PCDHGA2: variants seen among roughly 807,000 people sequenced by gnomAD.
The protein encoded by PCDHGA2 is protocadherin gamma-A2.
A neutral mutation model predicts 59.2 loss-of-function variants in PCDHGA2; 40 were observed. The observed-to-expected ratio is 0.68, with a 90% CI of 0.52 to 0.88. The LOEUF is 0.88. Among genes scored for constraint, PCDHGA2 ranks in the 40% least tolerant of loss-of-function variants. The pLI is 0.00. For missense variants in PCDHGA2, 1,226 were observed against 1,204.0 expected (o/e 1.02, Z -0.27); for synonymous variants, 560 against 526.0 (o/e 1.06, Z -0.89).
intron 1 of PCDHGA2, chr5:141,384,846 C>T: frequency 1.2e-6 from 2 of 1,613,586 alleles, no homozygotes; most frequent in Non-Finnish European, 1.7e-6. Context: ...TCCAGGACCA[C>T]GGTCAGCCTC....
At chr5:141,360,639 A>G (rs1226434354) in intron 1 of PCDHGA2, 5 of 1,613,898 alleles carry the variant, frequency 3.1e-6, no homozygotes, top group African/African-American at 2.7e-5. Context: ...ACTCACTACA[A>G]AGATACCACC....
chr5:141,491,763 T>C lies in PCDHGA2; in HGVS notation c.2425-3044T>C. 1 of 1,570,222 alleles carries C rather than the reference T, an allele frequency of 6.4e-7. No homozygotes were observed. Among genetic ancestry groups the C allele is most frequent in the Non-Finnish European group, 8.6e-7 (1 of 1,159,286 alleles). Reference sequence around the variant, plus strand: ...GCGGCACTGGAGAAGCCGCCCGTCCTCATAAGGGATTGAACTTGCATCCAC... The same window carrying C: ...GCGGCACTGGAGAAGCCGCCCGTCCCCATAAGGGATTGAACTTGCATCCAC... On this transcript the variant is annotated intron_variant, in intron 1 of 3. Coordinates refer to ENST00000394576, the MANE Select transcript of PCDHGA2 (RefSeq NM_018915.4). The surrounding 1 kb of genome is among the most constrained non-coding windows in gnomAD (Gnocchi z 6.9).
chr5:141,359,214 T>C (rs1406319381), intron 1 of PCDHGA2, among the ~76,000 whole-genome samples: 1 of 152,134 alleles, frequency 6.6e-6, no homozygotes, highest in Non-Finnish European at 1.5e-5. Context: ...GAGAGACAAC[T>C]TACATCTGAG....
Position 141,418,384 on chromosome 5 carries a change from C to T in PCDHGA2, c.2425-76423C>T, listed in dbSNP as rs774636792. 5 of 1,613,982 alleles carry T rather than the reference C, an allele frequency of 3.1e-6. No homozygotes were observed. In the South Asian group the frequency reaches 4.4e-5, roughly 14 times the overall value. ...TGAGCAAATACCAACTAAGTCCTAA[C>T]GAGTATTTCTCATTGGTGGAGAAAG... is the stretch of plus-strand genomic sequence containing the variant. On this transcript the variant is annotated intron_variant, in intron 1 of 3. Coordinates refer to ENST00000394576, the MANE Select transcript of PCDHGA2 (RefSeq NM_018915.4).
At chr5:141,350,967 C>T (rs778914376) in intron 1 of PCDHGA2, 1 of 1,614,094 alleles carries the variant, frequency 6.2e-7, no homozygotes, top group Non-Finnish European at 8.5e-7. Flanking sequence ...AATGATAATG[C>T]TCCCGTGTTT....
At chr5:141,433,070 CCCCAG>C in intron 1 of PCDHGA2, 1 of 1,614,174 alleles carries the variant, frequency 6.2e-7, no homozygotes, top group Non-Finnish European at 8.5e-7. Context: ...CCTGATCTTC[CCCCAG>C]CCCAACTATG....
chr5:141,355,345 G>T, intron 1 of PCDHGA2: 1 of 1,614,020 alleles, frequency 6.2e-7, no homozygotes, highest in Non-Finnish European at 8.5e-7. Context: ...GGGCAACATC[G>T]CCAAGGACCT....
intron 1 of PCDHGA2, chr5:141,376,167 T>C (rs1772357284): frequency 3.1e-6 from 5 of 1,614,124 alleles, no homozygotes; most frequent in East Asian, 2.2e-5. Context: ...TACCTGGTGG[T>C]GGCGGTGGCC....
intron 1 of PCDHGA2, among the ~76,000 whole-genome samples, chr5:141,358,928 AC>A (rs1191349174): frequency 1.3e-5 from 2 of 152,242 alleles, no homozygotes; most frequent in Non-Finnish European, 2.9e-5. Flanking sequence ...TAGGGGATAT[AC>A]AACACTTTTG....
At chr5:141,446,502 A>G (rs1178198384) in intron 1 of PCDHGA2, among the ~76,000 whole-genome samples, 5 of 150,732 alleles carry the variant, frequency 3.3e-5, no homozygotes, top group Non-Finnish European at 7.4e-5. Context: ...TTTGAGATGG[A>G]GTCTCGCTCT....
intron 1 of PCDHGA2, chr5:141,394,371 T>G: frequency 6.2e-7 from 1 of 1,614,174 alleles, no homozygotes; most frequent in Non-Finnish European, 8.5e-7. Context: ...GCTGCAATCT[T>G]TCGACTATGA....
chr5:141,506,434 C>A lies in PCDHGA2; in HGVS notation c.2572+953C>A, dbSNP rs139627189. Among the ~76,000 whole-genome samples the A allele has an allele frequency of 8.5e-4, 112 of 131,752 alleles. 2 individuals are homozygous for A. The highest frequency in any genetic ancestry group is 3.3e-3 in the African/African-American group (107 of 32,408). 86.4% of individuals were successfully genotyped at this position (131,752 alleles called of 152,430 possible). ...TGCACTCCAGCCTGGGCAACAGTCT[C>A]GCTCTGTCTCAAAAAAAAAAAAAAA... On this transcript the variant is annotated intron_variant, in intron 3 of 3. Transcript: ENST00000394576.
intron 1 of PCDHGA2, chr5:141,400,037 G>T (rs778871485): frequency 3.1e-6 from 5 of 1,613,132 alleles, no homozygotes; most frequent in Admixed American, 1.7e-5. Flanking sequence ...GCCCGCCAGC[G>T]CCTGCTGGTT....
At position 141,485,671 on chromosome 5, in the gene PCDHGA2, G is replaced by T; in HGVS notation, c.2425-9136G>T. On this transcript the variant is annotated intron_variant, in intron 1 of 3. Coordinates refer to ENST00000394576, the MANE Select transcript of PCDHGA2 (RefSeq NM_018915.4). This position sits in a 1 kb window ranked among gnomAD's most constrained non-coding sequence, Gnocchi z 5.7. The stretch of plus-strand genomic sequence containing the variant: ...AGGATGCAGATGTGGGGAGCAATTC[G>T]ATTAGCAGCTATAGGCTGAGCTCCA... 6.2e-7 allele frequency: 1 copy of T among 1,612,860 alleles called. No homozygotes were observed. The highest frequency in any genetic ancestry group is 8.5e-7 in the Non-Finnish European group (1 of 1,179,040).
intron 1 of PCDHGA2, among the ~76,000 whole-genome samples, chr5:141,435,451 CTGTA>C: frequency 6.6e-6 from 1 of 152,258 alleles, no homozygotes; most frequent in Non-Finnish European, 1.5e-5. Context: ...AATACGATAT[CTGTA>C]TGTGTTTCCA....
intron 1 of PCDHGA2, chr5:141,364,541 A>C: frequency 6.2e-7 from 1 of 1,614,130 alleles, no homozygotes; most frequent in African/African-American, 1.3e-5. Flanking sequence ...CTCCAGAGGT[A>C]GGACGCAGCT....
Position 141,485,563 on chromosome 5 carries a change from C to T in PCDHGA2, c.2425-9244C>T, listed in dbSNP as rs746689576. The T allele has an allele frequency of 1.2e-5, 19 of 1,612,904 alleles. No homozygotes were observed. In the South Asian group the frequency reaches 1.6e-4, roughly 14 times the overall value. ...AGATCGTAGATGTGAATGATCACGCCCCCCGTTTTCCGCGGCAGCAGCTGG... is the reference window on the plus strand; with the variant it reads ...AGATCGTAGATGTGAATGATCACGCTCCCCGTTTTCCGCGGCAGCAGCTGG... On this transcript the variant is annotated intron_variant, in intron 1 of 3. Coordinates refer to ENST00000394576, the MANE Select transcript of PCDHGA2 (RefSeq NM_018915.4). This position sits in a 1 kb window ranked among gnomAD's most constrained non-coding sequence, Gnocchi z 5.7.
Position 141,340,392 on chromosome 5 carries a change from T to C in PCDHGA2, c.1421T>C (p.Val474Ala). Residue 474 changes from valine (V) to alanine (A), a missense_variant, in exon 1 of 4, where the codon GTG becomes GCG. Val to Ala is a moderately conservative substitution (Grantham distance 64, BLOSUM62 0). Coordinates refer to ENST00000394576, the MANE Select transcript of PCDHGA2 (RefSeq NM_018915.4). ...CCCAGAGGAGCCTCTGTCTTCTCAG[T>C]GACGGCCCATGACCCCGACAGCAAC... ...NNPRGASVFS[V>A]TAHDPDSNDN... is the part of the protein sequence containing the mutation. 6.2e-7 allele frequency: 1 copy of C among 1,614,200 alleles called. No homozygotes were observed. Among genetic ancestry groups the C allele is most frequent in the South Asian group, 1.1e-5 (1 of 91,082 alleles).
chr5:141,462,423 G>A (rs1367388191), intron 1 of PCDHGA2, among the ~76,000 whole-genome samples: 1 of 151,820 alleles, frequency 6.6e-6, no homozygotes, highest in East Asian at 1.9e-4. Context: ...GTCTATCTTG[G>A]TGAGTGTTGC....
Sources: gnomAD v4.1 joint callset for allele counts (sites outside exome capture counted in the v4.1 genomes callset) on GRCh38, gnomAD v4.1.1 for gene constraint, Gnocchi (gnomAD v3.1) non-coding constraint, MANE v1.5 for transcripts, NCBI Gene and HGNC (gene_info 2026-07-23, HGNC 2026-07-21) for gene names.